ZNF562: variants seen among roughly 807,000 people sequenced by gnomAD.
ZNF562 encodes the protein zinc finger protein 562.
A neutral mutation model predicts 17.5 loss-of-function variants in ZNF562; 13 were observed. The observed-to-expected ratio is 0.74, with a 90% CI of 0.48 to 1.18. ZNF562 has a LOEUF of 1.18. Among genes scored for constraint, ZNF562 ranks in the 50% most tolerant of loss-of-function variants. The pLI is 0.00. For missense variants in ZNF562, 481 were observed against 498.5 expected (o/e 0.96, Z 0.33); for synonymous variants, 163 against 165.4 (o/e 0.99, Z 0.11).
At chr19:9,665,219 T>C (rs1049632546) in intron 1 of ZNF562, among the ~76,000 whole-genome samples, 321 of 109,476 alleles carry the variant, frequency 2.9e-3, no homozygotes, top group African/African-American at 0.01. Flanking sequence ...AGACTCTGTC[T>C]AAAAAAAAAA....
intron 1 of ZNF562, among the ~76,000 whole-genome samples, chr19:9,671,640 A>G (rs2044200712): frequency 6.6e-6 from 1 of 152,212 alleles, no homozygotes; most frequent in Non-Finnish European, 1.5e-5. Context: ...TCAGGCTGCA[A>G]TGCAAGCTTC....
rs2074847724 is a variant in ZNF562, at chr19:9,650,204, A to C, written c.*2745T>G. On this transcript the variant is annotated 3_prime_UTR_variant, in exon 6 of 6. Transcript: ENST00000453372. ...TTGTGCAGCGGGTTAAAATCAGTCC[A>C]GTAAAGCAAGAAAATATTTAGAGAG... 6.6e-6 allele frequency: 1 copy of C among 152,146 alleles called. No homozygotes were observed. The highest frequency in any genetic ancestry group is 1.5e-5 in the Non-Finnish European group (1 of 68,026). 9.4% of individuals were successfully genotyped at this position (152,146 alleles called of 1,614,324 possible).
At chr19:9,667,084 C>T (rs1214999110) in intron 1 of ZNF562, among the ~76,000 whole-genome samples, 2 of 152,208 alleles carry the variant, frequency 1.3e-5, no homozygotes, top group Admixed American at 6.5e-5. Flanking sequence ...AAACTACACG[C>T]CAATATCACT....
In ZNF562 at chr19:9,653,269, A is replaced by G; in HGVS notation, c.961T>C (p.Cys321Arg). ...TGIKPHKCTECGKAFTRSTHL... is the reference protein window; with the variant it reads ...TGIKPHKCTERGKAFTRSTHL... ...GTTGATCTAGTGAAGGCTTTCCCAC[A>G]TTCCGTACATTTGTGTGGTTTTATT... is the stretch of plus-strand genomic sequence containing the variant. Residue 321 changes from cysteine (C) to arginine (R), a missense_variant, in exon 6 of 6, where the codon TGT (cysteine) becomes CGT (arginine). Physicochemically the swap from Cys to Arg is radical, Grantham distance 180 (BLOSUM62 -3). Transcript: ENST00000453372. The G allele has an allele frequency of 6.2e-7, 1 of 1,614,218 alleles. No individual in the cohort carries two copies. The highest frequency in any genetic ancestry group is 8.5e-7 in the Non-Finnish European group (1 of 1,180,046).
chr19:9,662,034 T>A (rs914078092), intron 1 of ZNF562, among the ~76,000 whole-genome samples: 10 of 152,118 alleles, frequency 6.6e-5, no homozygotes, highest in African/African-American at 2.4e-4. Flanking sequence ...AGTGCTGGGA[T>A]AATAAGCATG....
intron 1 of ZNF562, among the ~76,000 whole-genome samples, chr19:9,667,942 T>C (rs897868730): frequency 1.4e-4 from 22 of 152,104 alleles, no homozygotes; most frequent in African/African-American, 3.6e-4. Flanking sequence ...AAAAACCTGT[T>C]AGAACTGATA....
At chr19:9,658,184 A>G in intron 3 of ZNF562, 49 bp from the exon 4 acceptor site, 2 of 1,582,550 alleles carry the variant, frequency 1.3e-6, no homozygotes, top group Non-Finnish European at 1.7e-6. Flanking sequence ...ACTTCCACCA[A>G]TATTCACTGG....
chr19:9,650,376 G>GTGTATATATA lies in ZNF562; in HGVS notation c.*2563_*2572dup, dbSNP rs1205710612. 2.7e-5 allele frequency: 4 copies of GTGTATATATA among 148,132 alleles called. No homozygotes were observed. Among genetic ancestry groups the GTGTATATATA allele is most frequent in the African/African-American group, 1.0e-4 (4 of 39,634 alleles). The allele number at this position is 148,132 out of a possible 1,614,324, so 9.2% of individuals were successfully genotyped here. On this transcript the variant is annotated 3_prime_UTR_variant, in exon 6 of 6. Coordinates refer to ENST00000453372, the MANE Select transcript of ZNF562 (RefSeq NM_001130031.2). ...TTAGGAGTTAGGTATACATACATAT[G>GTGTATATATA]TGTATATATATGTATATATATATAC... is the stretch of plus-strand genomic sequence containing the variant.
chr19:9,669,413 TC>T (rs1157207948), intron 1 of ZNF562, among the ~76,000 whole-genome samples: 2 of 152,180 alleles, frequency 1.3e-5, no homozygotes, highest in African/African-American at 4.8e-5. Context: ...AGATATCATC[TC>T]ACCTCATTTA....
At position 9,672,777 on chromosome 19, in the gene ZNF562, CTTT is replaced by C. The variant is rs869261585; in HGVS notation, c.-131+2235_-131+2237del. Among the ~76,000 whole-genome samples the C allele has an allele frequency of 2.5e-3, 283 of 112,220 alleles. 12 individuals carry two copies. The highest frequency in any genetic ancestry group is 0.022 in the Admixed American group (237 of 10,932). The allele number at this position is 112,220 out of a possible 152,430, so 73.6% of individuals were successfully genotyped here. ...AGAATAGTTGAGTATTATTGCCTTT[CTTT>C]TTTTTTTTTTTTTTTTTTTAGACAG... On this transcript the variant is annotated intron_variant, in intron 1 of 5. Coordinates refer to ENST00000453372, the MANE Select transcript of ZNF562 (RefSeq NM_001130031.2).
intron 1 of ZNF562, among the ~76,000 whole-genome samples, chr19:9,665,487 G>A (rs570729063): frequency 6.6e-6 from 1 of 152,262 alleles, no homozygotes; most frequent in East Asian, 1.9e-4. Flanking sequence ...AGAGCCTGAA[G>A]GGAGAAATAC....
In ZNF562 at chr19:9,660,909, A is replaced by C. The variant is rs568133334; in HGVS notation, c.-130-35T>G. 13 of 582,024 alleles carry C rather than the reference A, an allele frequency of 2.2e-5. No homozygotes were observed. The African/African-American group carries it at 2.2e-4, about 10-fold the overall frequency. The allele number at this position is 582,024 out of a possible 1,614,324, so 36.1% of individuals were successfully genotyped here. A position where few individuals can be genotyped will look rare whatever the true frequency, so the allele number is the denominator to read the frequency against. On this transcript the variant is annotated intron_variant, in intron 1 of 5. Coordinates refer to ENST00000453372, the MANE Select transcript of ZNF562 (RefSeq NM_001130031.2). ...CCAATCACCAAACAACAAGCATCAAACATCAGTCATTGAACATTATGCATG... is the reference window on the plus strand; with the variant it reads ...CCAATCACCAAACAACAAGCATCAACCATCAGTCATTGAACATTATGCATG...
rs1282697664 is a variant in ZNF562, at chr19:9,651,281, C to T, written c.*1668G>A. The T allele has an allele frequency of 1.3e-5, 2 of 152,048 alleles. No individual in the cohort carries two copies. Among genetic ancestry groups the T allele is most frequent in the East Asian group, 1.9e-4 (1 of 5,192 alleles). 9.4% of individuals were successfully genotyped at this position (152,048 alleles called of 1,614,324 possible). ...TATTGGGAAATGAAGAAAAGACAACCCTTGATATAAAGTGGTGAAGAACTT... is the reference window on the plus strand; with the variant it reads ...TATTGGGAAATGAAGAAAAGACAACTCTTGATATAAAGTGGTGAAGAACTT... On this transcript the variant is annotated 3_prime_UTR_variant, in exon 6 of 6. Transcript: ENST00000453372.
At chr19:9,657,338 G>A (rs1315245949) in intron 4 of ZNF562, among the ~76,000 whole-genome samples, 6 of 148,680 alleles carry the variant, frequency 4.0e-5, no homozygotes, top group Non-Finnish European at 5.9e-5. Flanking sequence ...AGCTTGCAGT[G>A]AGCAGAGATC....
rs1019437288 is a variant in ZNF562, at chr19:9,645,021, T to C, written c.*7928A>G. On this transcript the variant is annotated 3_prime_UTR_variant, in exon 6 of 6. Coordinates refer to ENST00000453372, the MANE Select transcript of ZNF562 (RefSeq NM_001130031.2). Reference sequence around the variant, plus strand: ...TCTCATTGCAGCTCATAGTGGGAGATGCCCAGTCTCTCTGTGAACATTGAC... The same window carrying C: ...TCTCATTGCAGCTCATAGTGGGAGACGCCCAGTCTCTCTGTGAACATTGAC... The C allele has an allele frequency of 1.3e-5, 2 of 152,104 alleles. No individual in the cohort carries two copies. The highest frequency in any genetic ancestry group is 2.9e-5 in the Non-Finnish European group (2 of 68,066). 9.4% of individuals were successfully genotyped at this position (152,104 alleles called of 1,614,324 possible). A position where few individuals can be genotyped will look rare whatever the true frequency, so the allele number is the denominator to read the frequency against.
intron 1 of ZNF562, among the ~76,000 whole-genome samples, chr19:9,666,221 G>T (rs1426686140): frequency 6.6e-6 from 1 of 151,524 alleles, no homozygotes; most frequent in Non-Finnish European, 1.5e-5. Flanking sequence ...TACTCGGGAG[G>T]CTGAAGCAGG....
chr19:9,652,998 G>A lies in ZNF562; in HGVS notation c.1232C>T (p.Thr411Ile). The change falls in exon 6 of 6, where the codon ACT (threonine) becomes ATT (isoleucine). Residue 411 changes from threonine to isoleucine, a missense_variant. Coordinates refer to ENST00000453372, the MANE Select transcript of ZNF562 (RefSeq NM_001130031.2). ...CAAATGTTTACTACGATGGGAAGAA[G>A]TAATGAAGGTCTTCCCACATTCAAC... The part of the protein sequence containing the change: ...ECVECGKTFI[T>I]SSHRSKHLKT... The A allele has an allele frequency of 6.5e-7, 1 of 1,527,998 alleles. No individual in the cohort carries two copies. Among genetic ancestry groups the A allele is most frequent in the Non-Finnish European group, 8.8e-7 (1 of 1,139,204 alleles). The allele number at this position is 1,527,998 out of a possible 1,614,324, so 94.7% of individuals were successfully genotyped here.
intron 1 of ZNF562, among the ~76,000 whole-genome samples, chr19:9,667,734 G>A (rs958228482): frequency 2.6e-5 from 4 of 152,022 alleles, no homozygotes; most frequent in Admixed American, 2.6e-4. Flanking sequence ...AGAACCACAG[G>A]CATGTGTGAC....
chr19:9,669,732 GCGCACACACACACACA>G lies in ZNF562; in HGVS notation c.-131+5267_-131+5282del, dbSNP rs1481775935. 3.0e-3 allele frequency among the ~76,000 whole-genome samples: 230 copies of G among 76,796 alleles called. 1 individual carries two copies. In the East Asian group the frequency reaches 0.052, roughly 17 times the overall value. 50.4% of individuals were successfully genotyped at this position (76,796 alleles called of 152,430 possible). A position where few individuals can be genotyped will look rare whatever the true frequency, so the allele number is the denominator to read the frequency against. The stretch of plus-strand genomic sequence containing the variant: ...CACGCGCGCGAGCGCGCGCGCGCGC[GCGCACACACACACACA>G]CACACACACACACACACACACACAC... On this transcript the variant is annotated intron_variant, in intron 1 of 5. Transcript: ENST00000453372.
Sources: allele counts gnomAD v4.1 joint callset (sites outside exome capture counted in the v4.1 genomes callset), GRCh38; gene constraint gnomAD v4.1.1; transcripts MANE v1.5; gene names NCBI Gene and HGNC (gene_info 2026-07-23, HGNC 2026-07-21).